The following KYAT1 variants were observed in gnomAD, a reference collection of about 807,000 sequenced individuals.
The protein encoded by KYAT1 is kynurenine aminotransferase 1.
A neutral mutation model predicts 52.4 loss-of-function variants in KYAT1; 47 were observed. That is an observed-to-expected ratio of 0.90 (90% confidence interval 0.71 to 1.14). KYAT1 has a LOEUF of 1.14. KYAT1 is among the 50% of genes most tolerant of loss of function. KYAT1 has a pLI of 0.00. For missense variants in KYAT1, 480 were observed against 557.9 expected (o/e 0.86, Z 1.41); for synonymous variants, 212 against 209.6 (o/e 1.01, Z -0.10).
At chr9:128,875,248 G>GTTTTTTTTTTTTTTTT (rs1201067985) in intron 1 of KYAT1, among the ~76,000 whole-genome samples, 1 of 108,342 alleles carries the variant, frequency 9.2e-6, no homozygotes, top group African/African-American at 3.4e-5. Context: ...GTTTTTTTTT[G>GTTTTTTTTTTTTTTTT]TTTTTTTTTT....
chr9:128,863,955 A>G (rs529277026), intron 1 of KYAT1, among the ~76,000 whole-genome samples: 153 of 152,190 alleles, frequency 1.0e-3, no homozygotes, highest in African/African-American at 3.6e-3. Flanking sequence ...CCCCTTTTCT[A>G]GGAAGCAGGC....
chr9:128,847,287 G>A lies in KYAT1; in HGVS notation c.-6-1876C>T. ...CAAGTTCTAGACTAGAGAAGCAGGG[G>A]CAAGGGAGAAGCCCACATACAGGCT... is the stretch of plus-strand genomic sequence containing the variant. On this transcript the variant is annotated intron_variant, in intron 1 of 12. Coordinates refer to ENST00000302586, the MANE Select transcript of KYAT1 (RefSeq NM_004059.5). 2 of 596,940 alleles carry A rather than the reference G, an allele frequency of 3.4e-6. 1 individual carries two copies. The allele number at this position is 596,940 out of a possible 1,614,324, so 37.0% of individuals were successfully genotyped here.
intron 1 of KYAT1, among the ~76,000 whole-genome samples, chr9:128,880,787 T>C (rs1288938519): frequency 6.6e-6 from 1 of 152,080 alleles, no homozygotes; most frequent in Non-Finnish European, 1.5e-5. Context: ...AAGGTTCTTT[T>C]CTCTTCTATT....
intron 3 of KYAT1, chr9:128,842,142 A>G (rs746856436): frequency 8.6e-6 from 3 of 346,882 alleles, no homozygotes; most frequent in South Asian, 2.2e-5. Flanking sequence ...GCAGTGGACC[A>G]TGATCGCACC....
intron 1 of KYAT1, among the ~76,000 whole-genome samples, chr9:128,872,934 G>C (rs1044719743): frequency 6.6e-6 from 1 of 151,600 alleles, no homozygotes; most frequent in African/African-American, 2.4e-5. Flanking sequence ...AAATTAGCCG[G>C]GCATGGTGGC....
Position 128,848,149 on chromosome 9 carries a change from G to A in KYAT1, c.-6-2738C>T, listed in dbSNP as rs373071577. 6.6e-5 allele frequency among the ~76,000 whole-genome samples: 10 copies of A among 151,746 alleles called. No individual in the cohort carries two copies. The East Asian group carries it at 7.8e-4, about 12-fold the overall frequency. ...AGCCTGGGCAACATACTGAAACACC[G>A]TCTCTACAAAAATACAAAAATTGAC... On this transcript the variant is annotated intron_variant, in intron 1 of 12. Coordinates refer to ENST00000302586, the MANE Select transcript of KYAT1 (RefSeq NM_004059.5).
intron 1 of KYAT1, chr9:128,846,955 AT>A: frequency 9.1e-7 from 1 of 1,098,596 alleles, no homozygotes. Flanking sequence ...AATAGTCTCC[AT>A]CTAACAGATG....
chr9:128,833,728 C>T lies in KYAT1; in HGVS notation c.1209+12G>A, dbSNP rs1830507268. On this transcript the variant is annotated intron_variant, in intron 12 of 12. Coordinates refer to ENST00000302586, the MANE Select transcript of KYAT1 (RefSeq NM_004059.5). ...TCTGTGAGGTCTTTCCTCCCCCAGC[C>T]CTGCCCTTTACCTTCACAAAACAGA... is the stretch of plus-strand genomic sequence containing the variant. The T allele has an allele frequency of 6.2e-7, 1 of 1,614,118 alleles. No individual in the cohort carries two copies. Among genetic ancestry groups the T allele is most frequent in the Non-Finnish European group, 8.5e-7 (1 of 1,179,944 alleles).
intron 1 of KYAT1, among the ~76,000 whole-genome samples, chr9:128,881,059 A>G (rs924081273): frequency 1.3e-5 from 2 of 152,164 alleles, no homozygotes; most frequent in Admixed American, 1.3e-4. Flanking sequence ...CCTTCTACGC[A>G]AAGATGGATA....
chr9:128,871,229 G>A (rs954906833), intron 1 of KYAT1, among the ~76,000 whole-genome samples: 2 of 152,054 alleles, frequency 1.3e-5, no homozygotes, highest in East Asian at 3.9e-4. Flanking sequence ...GAAGTGGGAG[G>A]ATTGCTTGAG....
chr9:128,846,884 T>C, intron 1 of KYAT1: 1 of 1,527,040 alleles, frequency 6.5e-7, no homozygotes, highest in South Asian at 1.2e-5. Flanking sequence ...GAACCCTGGC[T>C]CAGGATTTTG....
At chr9:128,842,522 A>G in intron 3 of KYAT1, 132 bp downstream of exon 3, 1 of 910,012 alleles carries the variant, frequency 1.1e-6, no homozygotes, top group Non-Finnish European at 1.6e-6. Context: ...TACGCTCAGT[A>G]AACACTGAAC....
At position 128,833,182 on chromosome 9, in the gene KYAT1, G is replaced by T. The variant is rs1051489492; in HGVS notation, c.*402C>A. The T allele has an allele frequency of 2.5e-5, 6 of 236,546 alleles. No homozygotes were observed. Among genetic ancestry groups the T allele is most frequent in the Middle Eastern group, 1.5e-3 (1 of 670 alleles). The allele number at this position is 236,546 out of a possible 1,614,324, so 14.7% of individuals were successfully genotyped here. A position where few individuals can be genotyped will look rare whatever the true frequency, so the allele number is the denominator to read the frequency against. On this transcript the variant is annotated 3_prime_UTR_variant, in exon 13 of 13. Coordinates refer to ENST00000302586, the MANE Select transcript of KYAT1 (RefSeq NM_004059.5). The stretch of plus-strand genomic sequence containing the variant: ...GAGGCTTGAGGACTCAAGCCTAAAG[G>T]CAACTCCCCAAGGCCAAGATGAGCC...
At chr9:128,845,465 C>T (rs1158625684) in intron 1 of KYAT1, 54 bp from the exon 2 acceptor site, 32 of 1,560,166 alleles carry the variant, frequency 2.1e-5, no homozygotes, top group Non-Finnish European at 2.7e-5. Flanking sequence ...GTGCAGCAGT[C>T]CGAGCTTGCA....
In KYAT1 at chr9:128,835,501, A is replaced by G. The variant is rs1297504071; in HGVS notation, c.1022T>C (p.Ile341Thr). Reference sequence around the variant, plus strand: ...CTCACTGAAGTCTGAGATGTCTGTGATGAGGAAGTAGCTGCCCTGAGGGAT... The same window carrying G: ...CTCACTGAAGTCTGAGATGTCTGTGGTGAGGAAGTAGCTGCCCTGAGGGAT... ...PIIPQGSYFL[I>T]TDISDFKRKM... is the part of the protein sequence containing the mutation. Residue 341 changes from isoleucine (I) to threonine (T), a missense_variant, in exon 10 of 13, where the codon ATC (isoleucine) becomes ACC (threonine). Transcript: ENST00000302586. The G allele has an allele frequency of 6.8e-6, 11 of 1,613,774 alleles. No individual in the cohort carries two copies. Among genetic ancestry groups the G allele is most frequent in the Non-Finnish European group, 9.3e-6 (11 of 1,180,040 alleles).
In KYAT1 at chr9:128,833,569, G is replaced by A. The variant is rs756028468; in HGVS notation, c.*15C>T. The stretch of plus-strand genomic sequence containing the variant: ...GGGCATGTGGGGATGTCAGGGCCAA[G>A]GCGTGACTTCAGGGCTAGAGTTCCA... On this transcript the variant is annotated 3_prime_UTR_variant, in exon 13 of 13. Transcript: ENST00000302586. 15 of 1,613,774 alleles carry A rather than the reference G, an allele frequency of 9.3e-6. No homozygotes were observed. Among genetic ancestry groups the A allele is most frequent in the Non-Finnish European group, 1.3e-5 (15 of 1,179,642 alleles).
chr9:128,833,836 A>G lies in KYAT1; in HGVS notation c.1123-10T>C. 1 of 1,612,602 alleles carries G rather than the reference A, an allele frequency of 6.2e-7. No individual in the cohort carries two copies. Among genetic ancestry groups the G allele is most frequent in the Non-Finnish European group, 8.5e-7 (1 of 1,178,634 alleles). ...GGATGGCCACCAAGCCCTGGGGAGG[A>G]GGAAGGACATGTCTCAACACGGCCT... On this transcript the variant is annotated splice_polypyrimidine_tract_variant and intron_variant, in intron 11 of 12. Coordinates refer to ENST00000302586, the MANE Select transcript of KYAT1 (RefSeq NM_004059.5).
intron 3 of KYAT1, among the ~76,000 whole-genome samples, chr9:128,839,931 C>A (rs1402976072): frequency 6.6e-6 from 1 of 151,782 alleles, no homozygotes; most frequent in African/African-American, 2.4e-5. Context: ...GTATCACGTG[C>A]CTGTAGTCCC....
chr9:128,843,978 A>G (rs1832667659), intron 2 of KYAT1, among the ~76,000 whole-genome samples: 1 of 152,194 alleles, frequency 6.6e-6, no homozygotes, highest in South Asian at 2.1e-4. Context: ...CAGCTAGTAC[A>G]AGGCACAGCC....
Sources: gnomAD v4.1 joint callset for allele counts (sites outside exome capture counted in the v4.1 genomes callset) on GRCh38, gnomAD v4.1.1 for gene constraint, MANE v1.5 for transcripts, NCBI Gene and HGNC (gene_info 2026-07-23, HGNC 2026-07-21) for gene names.